Variants in DBT observed in about 807,000 individuals in gnomAD.
The protein encoded by DBT is lipoamide acyltransferase component of branched-chain alpha-keto acid dehydrogenase complex, mitochondrial.
In DBT, 40 loss-of-function variants were observed where a neutral mutation model predicts 51.3. The ratio of observed to expected loss-of-function variants is 0.78; its 90% CI spans 0.61 to 1.02. DBT has a LOEUF of 1.02. Among genes scored for constraint, DBT ranks in the 50% least tolerant of loss-of-function variants. DBT has a pLI of 0.00. For synonymous variants in DBT, 181 were observed against 190.4 expected (o/e 0.95, Z 0.41); for missense variants, 510 against 580.2 (o/e 0.88, Z 1.24).
At position 100,195,544 on chromosome 1, in the gene DBT, AT is replaced by A. The variant is rs1019870704; in HGVS notation, c.*710del. On this transcript the variant is annotated 3_prime_UTR_variant, in exon 11 of 11. Transcript: ENST00000370132. ...ATTAGCATAATAACGGAAATGGAAA[AT>A]ATTTTTGTATATAAATTCCATTTCT... The A allele has an allele frequency of 2.0e-4, 31 of 152,394 alleles. No individual in the cohort carries two copies. Among genetic ancestry groups the A allele is most frequent in the African/African-American group, 7.2e-4 (30 of 41,580 alleles). The allele number at this position is 152,394 out of a possible 1,614,324, so 9.4% of individuals were successfully genotyped here. A position where few individuals can be genotyped will look rare whatever the true frequency, so the allele number is the denominator to read the frequency against.
intron 8 of DBT, among the ~76,000 whole-genome samples, chr1:100,207,103 A>G (rs1052152671): frequency 6.6e-6 from 1 of 152,216 alleles, no homozygotes; most frequent in African/African-American, 2.4e-5. Context: ...TTTTTTATTG[A>G]TAAGAATGTA....
chr1:100,237,031 T>A (rs1663906492), intron 2 of DBT, among the ~76,000 whole-genome samples: 1 of 152,224 alleles, frequency 6.6e-6, no homozygotes, highest in African/African-American at 2.4e-5. Flanking sequence ...AGGCCGAGTC[T>A]ATTTCACCAG....
At position 100,196,331 on chromosome 1, in the gene DBT, G is replaced by C; in HGVS notation, c.1373C>G (p.Ala458Gly). Reference sequence around the variant, plus strand: ...CAAATTGGAGAAGCGTGACATTGTAGCACCATCAATAACTCTGTGATCAGC... The same window carrying C: ...CAAATTGGAGAAGCGTGACATTGTACCACCATCAATAACTCTGTGATCAGC... ...WSADHRVIDG[A>G]TMSRFSNLWK... Residue 458 changes from alanine (A) to glycine (G), a missense_variant, in exon 11 of 11, where the codon GCT (alanine) becomes GGT (glycine). Transcript: ENST00000370132. 1.3e-6 allele frequency: 2 copies of C among 1,596,764 alleles called. No homozygotes were observed. Among genetic ancestry groups the C allele is most frequent in the Non-Finnish European group, 1.7e-6 (2 of 1,174,106 alleles).
At chr1:100,248,484 G>A (rs1664687762) in intron 1 of DBT, among the ~76,000 whole-genome samples, 1 of 152,170 alleles carries the variant, frequency 6.6e-6, no homozygotes, top group African/African-American at 2.4e-5. Context: ...TTGGAAGACT[G>A]GGGAACTTTA....
intron 1 of DBT, chr1:100,249,405 T>C: frequency 2.6e-6 from 1 of 382,396 alleles, no homozygotes; most frequent in East Asian, 6.1e-5. Flanking sequence ...GTGTTACCAG[T>C]GTTTGGCATA....
rs1309402677 is a variant in DBT, at chr1:100,201,218, T to C, written c.1282-4796A>G. On this transcript the variant is annotated intron_variant, in intron 10 of 10. Coordinates refer to ENST00000370132, the MANE Select transcript of DBT (RefSeq NM_001918.5). ...TTAGAGAAGAACATAAATGACCTGA[T>C]GGAGGTGAAAAACACAGCATGAGAA... 2.6e-5 allele frequency among the ~76,000 whole-genome samples: 4 copies of C among 151,898 alleles called. No individual in the cohort carries two copies. The South Asian group carries it at 6.2e-4, about 24-fold the overall frequency.
chr1:100,221,915 T>C (rs1366983881), intron 4 of DBT, among the ~76,000 whole-genome samples: 1 of 152,210 alleles, frequency 6.6e-6, no homozygotes, highest in Non-Finnish European at 1.5e-5. Flanking sequence ...CTTAATTCAC[T>C]CAGCTAGGAG....
rs569971231 is a variant in DBT at position 100,230,636 on chromosome 1, A to AC, written c.433+96_433+97insG. ...TAAAAATAAATAGGAATAGAAAAAA[A>AC]AAAAACAAAAAAACAAAGATCACTT... is the stretch of plus-strand genomic sequence containing the variant. On this transcript the variant is annotated intron_variant, in intron 4 of 10. Transcript: ENST00000370132. 1.3e-3 allele frequency: 991 copies of AC among 786,298 alleles called. 9 individuals carry two copies. The highest frequency in any genetic ancestry group is 1.4e-3 in the Non-Finnish European group (715 of 496,076). 48.7% of individuals were successfully genotyped at this position (786,298 alleles called of 1,614,324 possible).
intron 5 of DBT, among the ~76,000 whole-genome samples, chr1:100,217,509 T>C (rs900714615): frequency 6.6e-6 from 1 of 152,244 alleles, no homozygotes; most frequent in African/African-American, 2.4e-5. Context: ...GAATGATTCC[T>C]AGATTATTTT....
Position 100,196,405 on chromosome 1 carries a change from G to C in DBT, c.1299C>G (p.Asn433Lys), listed in dbSNP as rs532978392. ...GTGCCTTATATACTTCTCCTTTCTGGTTAAATCGGGGAATGGCCTAGAAAT... is the reference window on the plus strand; with the variant it reads ...GTGCCTTATATACTTCTCCTTTCTGCTTAAATCGGGGAATGGCCTAGAAAT... ...LGSIKAIPRF[N>K]QKGEVYKAQI... Residue 433 changes from asparagine to lysine, a missense_variant, in exon 11 of 11, where the codon AAC (asparagine) becomes AAG (lysine). Asn to Lys is a moderately conservative substitution (Grantham distance 94). Coordinates refer to ENST00000370132, the MANE Select transcript of DBT (RefSeq NM_001918.5). 1 of 553,292 alleles carries C rather than the reference G, an allele frequency of 1.8e-6. No individual in the cohort carries two copies. The highest frequency in any genetic ancestry group is 1.4e-5 in the South Asian group (1 of 70,298). 34.3% of individuals were successfully genotyped at this position (553,292 alleles called of 1,614,324 possible). A position where few individuals can be genotyped will look rare whatever the true frequency, so the allele number is the denominator to read the frequency against.
At chr1:100,198,348 G>A (rs1455337089) in intron 10 of DBT, among the ~76,000 whole-genome samples, 1 of 152,194 alleles carries the variant, frequency 6.6e-6, no homozygotes, top group Non-Finnish European at 1.5e-5. Flanking sequence ...GGGAAATGGA[G>A]AGATTACTCA....
intron 8 of DBT, among the ~76,000 whole-genome samples, chr1:100,209,098 CTTTT>C (rs10707303): frequency 1.5e-5 from 2 of 134,422 alleles, no homozygotes; most frequent in African/African-American, 2.7e-5. Context: ...CTTTTCTTTT[CTTTT>C]TTTTTTTTTG....
chr1:100,246,002 G>A (rs751041515), intron 1 of DBT, among the ~76,000 whole-genome samples: 1 of 152,090 alleles, frequency 6.6e-6, no homozygotes, highest in African/African-American at 2.4e-5. Context: ...AGTGGCTCAT[G>A]CCTGTAATCC....
chr1:100,246,604 C>T (rs563915284), intron 1 of DBT, among the ~76,000 whole-genome samples: 22 of 151,982 alleles, frequency 1.4e-4, no homozygotes, highest in East Asian at 5.8e-4. Context: ...TAATTTACTA[C>T]GGGGGTAAGA....
At chr1:100,243,002 T>C (rs1286343021) in intron 1 of DBT, among the ~76,000 whole-genome samples, 1 of 152,028 alleles carries the variant, frequency 6.6e-6, no homozygotes, top group East Asian at 1.9e-4. Flanking sequence ...ATGGTGGCTC[T>C]GGCCTGTAAT....
chr1:100,230,598 T>C (rs1012165379), intron 4 of DBT, 135 bp downstream of exon 4: 2 of 587,632 alleles, frequency 3.4e-6, no homozygotes, highest in Non-Finnish European at 5.9e-6. Flanking sequence ...AAAGATTACA[T>C]TTCCTCAAGA....
At chr1:100,218,981 C>G (rs1274087147) in intron 4 of DBT, among the ~76,000 whole-genome samples, 1 of 151,422 alleles carries the variant, frequency 6.6e-6, no homozygotes, top group African/African-American at 2.4e-5. Context: ...TTATTAGTAC[C>G]TGGTGGATAT....
At chr1:100,244,047 G>A (rs1664390893) in intron 1 of DBT, among the ~76,000 whole-genome samples, 1 of 112,106 alleles carries the variant, frequency 8.9e-6, no homozygotes, top group Admixed American at 1.1e-4. Context: ...TAGGCAACAA[G>A]AGCAAAATTC....
At chr1:100,198,166 C>G (rs529272975) in intron 10 of DBT, among the ~76,000 whole-genome samples, 1 of 152,228 alleles carries the variant, frequency 6.6e-6, no homozygotes, top group Admixed American at 6.5e-5. Context: ...TTATATACAA[C>G]AGTATACTAT....
Sources: allele counts gnomAD v4.1 joint callset (sites outside exome capture counted in the v4.1 genomes callset), GRCh38; gene constraint gnomAD v4.1.1; transcripts MANE v1.5; gene names NCBI Gene and HGNC (gene_info 2026-07-23, HGNC 2026-07-21).